The following MED30 variants were observed in gnomAD, a reference collection of about 807,000 sequenced individuals.
MED30 encodes mediator complex subunit 30, also known as mediator of RNA polymerase II transcription subunit 30.
A neutral mutation model predicts 21.7 loss-of-function variants in MED30; 8 were observed. The ratio of observed to expected loss-of-function variants is 0.37; its 90% CI spans 0.22 to 0.67. MED30 has a LOEUF of 0.67. MED30 is among the 30% of genes least tolerant of loss of function. The pLI is 0.58. For synonymous variants in MED30, 79 were observed against 86.7 expected, an observed-to-expected ratio of 0.91 and a Z score of 0.49; for missense variants, 203 against 228.2, an observed-to-expected ratio of 0.89 and a Z score of 0.71.
chr8:117,531,213 C>G (rs1334827018), intron 3 of MED30, among the ~76,000 whole-genome samples: 1 of 151,952 alleles, frequency 6.6e-6, no homozygotes, highest in East Asian at 1.9e-4. Flanking sequence ...AGAGAACTAT[C>G]CCAGCATTAT....
chr8:117,522,650 A>T (rs1198400618), intron 1 of MED30, among the ~76,000 whole-genome samples: 1 of 150,766 alleles, frequency 6.6e-6, no homozygotes, highest in Non-Finnish European at 1.5e-5. Flanking sequence ...TTTTTTTTTA[A>T]CTGGTCAAGA....
At chr8:117,530,553 T>C (rs1403147374) in intron 2 of MED30, 170 bp from the exon 3 acceptor site, 1 of 502,882 alleles carries the variant, frequency 2.0e-6, no homozygotes, top group South Asian at 3.4e-5. Context: ...ATAGAATGCA[T>C]TGAAATGGTC....
chr8:117,536,404 A>G (rs1818878306), intron 3 of MED30, among the ~76,000 whole-genome samples: 1 of 152,236 alleles, frequency 6.6e-6, no homozygotes, highest in South Asian at 2.1e-4. Context: ...ATTTTATTAC[A>G]ATGAATATTT....
chr8:117,536,991 G>A (rs567622410), intron 3 of MED30, among the ~76,000 whole-genome samples: 3 of 152,216 alleles, frequency 2.0e-5, no homozygotes, highest in South Asian at 2.1e-4. Context: ...ACTCACAGCC[G>A]ACTGGGGCCA....
At chr8:117,538,413 T>G (rs1036731171) in intron 3 of MED30, among the ~76,000 whole-genome samples, 1 of 152,212 alleles carries the variant, frequency 6.6e-6, no homozygotes, top group Non-Finnish European at 1.5e-5. Flanking sequence ...TTTCTTGGTC[T>G]TTCCTTTTAG....
Position 117,539,333 on chromosome 8 carries a change from C to CA in MED30, c.442-543dup, listed in dbSNP as rs1818938851. 3.3e-5 allele frequency among the ~76,000 whole-genome samples: 5 copies of CA among 152,046 alleles called. No individual in the cohort carries two copies. The Middle Eastern group carries it at 0.014, about 414-fold the overall frequency. On this transcript the variant is annotated intron_variant, in intron 3 of 3. Transcript: ENST00000297347. ...CAAAACCTCCTCTCTACTAAAAATA[C>CA]AAAAAAACTAGATGGGTGTGGTGGC...
chr8:117,533,364 A>G (rs1208612800), intron 3 of MED30, among the ~76,000 whole-genome samples: 1 of 152,132 alleles, frequency 6.6e-6, no homozygotes, highest in Non-Finnish European at 1.5e-5. Context: ...TATAATTGAA[A>G]CAAGGATATG....
intron 2 of MED30, chr8:117,530,415 T>A (rs1818777456): frequency 5.9e-6 from 1 of 169,110 alleles, no homozygotes; most frequent in African/African-American, 2.4e-5. Flanking sequence ...TAGGGTTTTT[T>A]TAAATTTTTA....
chr8:117,523,478 G>T, intron 1 of MED30: 1 of 1,586,410 alleles, frequency 6.3e-7, no homozygotes, highest in Non-Finnish European at 8.6e-7. Flanking sequence ...CGGCTGCGGC[G>T]TAGGGTGGCA....
Position 117,520,912 on chromosome 8 carries a change from G to T in MED30, c.36G>T (p.Ala12=), listed in dbSNP as rs1818600775. The change falls in exon 1 of 4, where the codon GCG becomes GCT. Residue 12 remains alanine (A), a synonymous_variant. Coordinates refer to ENST00000297347, the MANE Select transcript of MED30 (RefSeq NM_080651.4). ...STPPLAASGM[A]PGPFAGPQAQ... ...CTCCGTTGGCCGCGTCGGGGATGGC[G>T]CCCGGGCCCTTCGCCGGGCCCCAGG... 1.2e-6 allele frequency: 2 copies of T among 1,608,566 alleles called. No homozygotes were observed. The highest frequency in any genetic ancestry group is 1.3e-5 in the African/African-American group (1 of 74,862).
intron 1 of MED30, chr8:117,523,999 A>G (rs1818680681): frequency 4.9e-6 from 1 of 202,668 alleles, no homozygotes; most frequent in Admixed American, 5.3e-5. Context: ...ACAGAGCGAG[A>G]CTCTGTCTCA....
intron 1 of MED30, among the ~76,000 whole-genome samples, chr8:117,526,303 T>C (rs540078693): frequency 1.1e-4 from 17 of 152,100 alleles, no homozygotes; most frequent in Non-Finnish European, 2.4e-4. Flanking sequence ...CTTCTCTAAT[T>C]GCATTGGCTA....
chr8:117,534,847 A>AT (rs375406295), intron 3 of MED30, among the ~76,000 whole-genome samples: 9 of 60,520 alleles, frequency 1.5e-4, no homozygotes, highest in African/African-American at 4.1e-4. Context: ...AGGCAAACAA[A>AT]TTGTTTTTTT....
In MED30 at chr8:117,539,929, T is replaced by C; in HGVS notation, c.488T>C (p.Leu163Ser). 2 of 1,609,558 alleles carry C rather than the reference T, an allele frequency of 1.2e-6. No homozygotes were observed. The highest frequency in any genetic ancestry group is 1.7e-6 in the Non-Finnish European group (2 of 1,178,060). ...NQQLKQIMDQ[L>S]RNLIWDINAM... ...CAGCTGAAACAAATTATGGATCAAT[T>C]ACGAAATCTCATCTGGGATATAAAT... The change falls in exon 4 of 4, where the codon TTA (leucine) becomes TCA (serine). Residue 163 changes from leucine to serine, a missense_variant. Transcript: ENST00000297347.
chr8:117,538,094 A>G (rs1477413123), intron 3 of MED30, among the ~76,000 whole-genome samples: 1 of 152,186 alleles, frequency 6.6e-6, no homozygotes, highest in Non-Finnish European at 1.5e-5. Flanking sequence ...CATCTTTCCC[A>G]GCAATTTGAA....
chr8:117,538,572 G>A (rs1439933468), intron 3 of MED30, among the ~76,000 whole-genome samples: 1 of 151,986 alleles, frequency 6.6e-6, no homozygotes, highest in East Asian at 1.9e-4. Context: ...GTTTAATATA[G>A]TGTCTTAAAA....
At chr8:117,531,750 A>C (rs1277815995) in intron 3 of MED30, among the ~76,000 whole-genome samples, 1 of 152,020 alleles carries the variant, frequency 6.6e-6, no homozygotes, top group Non-Finnish European at 1.5e-5. Context: ...CATAAGGTGA[A>C]ATATAGAAAT....
chr8:117,534,266 A>G (rs1818834083), intron 3 of MED30, among the ~76,000 whole-genome samples: 1 of 151,678 alleles, frequency 6.6e-6, no homozygotes, highest in African/African-American at 2.4e-5. Flanking sequence ...TTTACCTTGC[A>G]TCTGCTGTTG....
chr8:117,539,877 C>A lies in MED30; in HGVS notation c.442-6C>A, dbSNP rs754158187. 15 of 1,559,076 alleles carry A rather than the reference C, an allele frequency of 9.6e-6. No individual in the cohort carries two copies. The highest frequency in any genetic ancestry group is 1.4e-5 in the African/African-American group (1 of 73,606). On this transcript the variant is annotated splice_region_variant and splice_polypyrimidine_tract_variant and intron_variant, in intron 3 of 3. Coordinates refer to ENST00000297347, the MANE Select transcript of MED30 (RefSeq NM_080651.4). ...ACATTTTTGATAAATTCTTTTGTTT[C>A]TACAGAAACTCAAACAGAAGAATCA...
Sources: gnomAD v4.1 joint callset for allele counts (sites outside exome capture counted in the v4.1 genomes callset) on GRCh38, gnomAD v4.1.1 for gene constraint, MANE v1.5 for transcripts, NCBI Gene and HGNC (gene_info 2026-07-23, HGNC 2026-07-21) for gene names.